The following UBR4 variants were observed in gnomAD, a reference collection of about 807,000 sequenced individuals.
The protein encoded by UBR4 is E3 ubiquitin-protein ligase UBR4.
Under a neutral mutation model 575.6 loss-of-function variants are expected in UBR4, and 124 were observed. That is an observed-to-expected ratio of 0.22 (90% confidence interval 0.19 to 0.25). The LOEUF is 0.25. Ranked by LOEUF, UBR4 falls within the 10% of genes least tolerant of loss-of-function variation. UBR4 has a pLI of 1.00. For synonymous variants in UBR4, 2,455 were observed against 2,473.7 expected, an observed-to-expected ratio of 0.99 and a Z score of 0.22; for missense variants, 4,818 against 6,478.8, an observed-to-expected ratio of 0.74 and a Z score of 8.80.
At position 19,153,801 on chromosome 1, in the gene UBR4, G is replaced by A. The variant is rs766709112; in HGVS notation, c.6597C>T (p.Ile2199=). 5 of 1,614,024 alleles carry A rather than the reference G, an allele frequency of 3.1e-6. No homozygotes were observed. Among genetic ancestry groups the A allele is most frequent in the East Asian group, 4.5e-5 (2 of 44,890 alleles). Residue 2199 remains isoleucine (I), a synonymous_variant, in exon 45 of 106, where the codon ATC becomes ATT. Coordinates refer to ENST00000375254, the MANE Select transcript of UBR4 (RefSeq NM_020765.3). This position sits in a 1 kb window ranked among gnomAD's most constrained non-coding sequence, Gnocchi z 4.1. ...TAGCAGGAAGAGTCTTAATCTCCTGGATAAGAAAAGTGTCTGGTTTCACCA... is the reference window on the plus strand; with the variant it reads ...TAGCAGGAAGAGTCTTAATCTCCTGAATAAGAAAAGTGTCTGGTTTCACCA... ...VVMVKPDTFL[I]QEIKTLPAKA...
At position 19,129,074 on chromosome 1, in the gene UBR4, C is replaced by G. The variant is rs1370230759; in HGVS notation, c.8907G>C (p.Arg2969Ser). ...ACAGCATTAGACGGACCATGTGCAG[C>G]CTAAAAGGGTGGGGAAAAGATAGAA... is the stretch of plus-strand genomic sequence containing the variant. ...ETEGDVHTSN[R>S]LHMVRLMLLE... Residue 2969 changes from arginine to serine, a missense_variant and splice_region_variant, in exon 61 of 106, where the codon AGG becomes AGC. Arg to Ser is a moderately radical substitution (Grantham distance 110, BLOSUM62 -1). Around this residue, in one of 29 missense-constraint regions of UBR4, gnomAD observed 87 missense variants for 82.8 expected, o/e 1.05. Transcript: ENST00000375254. 3 of 1,613,630 alleles carry G rather than the reference C, an allele frequency of 1.9e-6. No individual in the cohort carries two copies. Among genetic ancestry groups the G allele is most frequent in the Non-Finnish European group, 2.5e-6 (3 of 1,179,758 alleles).
chr1:19,189,410 T>C (rs1220796709), intron 11 of UBR4, among the ~76,000 whole-genome samples: 1 of 152,202 alleles, frequency 6.6e-6, no homozygotes, highest in Non-Finnish European at 1.5e-5. Flanking sequence ...TGGAACAATC[T>C]AAATAAGCGC....
chr1:19,143,247 GAAGGAAGGAAGGAAGA>G (rs1557761770), intron 55 of UBR4, among the ~76,000 whole-genome samples: 165 of 127,420 alleles, frequency 1.3e-3, no homozygotes, highest in East Asian at 9.1e-3. Flanking sequence ...AGGAAGGAAG[GAAGGAAGGAAGGAAGA>G]AAGAAAGAAA....
chr1:19,115,199 GCACACACACA>G (rs61661086), intron 74 of UBR4, among the ~76,000 whole-genome samples, 189 bp downstream of exon 74: 4 of 127,058 alleles, frequency 3.1e-5, no homozygotes, highest in Non-Finnish European at 5.3e-5. Flanking sequence ...GTGTGCACAT[GCACACACACA>G]CACACACACA....
At chr1:19,137,920 T>G in intron 60 of UBR4, 87 bp downstream of exon 60, 2 of 1,305,760 alleles carry the variant, frequency 1.5e-6, no homozygotes, top group Non-Finnish European at 2.0e-6. Context: ...TTATCACTAC[T>G]CTACCTCCTG....
chr1:19,106,933 G>A lies in UBR4; in HGVS notation c.12139C>T (p.Pro4047Ser). The A allele has an allele frequency of 6.2e-7, 1 of 1,612,682 alleles. No homozygotes were observed. Among genetic ancestry groups the A allele is most frequent in the Non-Finnish European group, 8.5e-7 (1 of 1,179,964 alleles). ...TGGGCATGGATCTCATTGCAGTATG[G>A]CTTCACCGTGGTGAGGGCCTCAACG... ...VPVEALTTVK[P>S]YCNEIHAQAQ... Residue 4047 changes from proline (P) to serine (S), a missense_variant, in exon 82 of 106, where the codon CCA becomes TCA. Around this residue, in one of 29 missense-constraint regions of UBR4, gnomAD observed 333 missense variants for 459.2 expected, o/e 0.73. Coordinates refer to ENST00000375254, the MANE Select transcript of UBR4 (RefSeq NM_020765.3).
chr1:19,092,798 C>A (rs777663535), intron 97 of UBR4, 21 bp downstream of exon 97: 1 of 1,599,908 alleles, frequency 6.3e-7, no homozygotes, highest in Admixed American at 1.7e-5. Flanking sequence ...TACCCTCACA[C>A]TACCTGTCCT....
intron 26 of UBR4, 100 bp from the exon 27 acceptor site, chr1:19,169,632 C>T (rs572299379): frequency 1.1e-6 from 1 of 876,918 alleles, no homozygotes; most frequent in East Asian, 2.7e-5. Flanking sequence ...ACAGTACAGC[C>T]CAGGCTGTCA....
At chr1:19,173,360 A>C in intron 23 of UBR4, 54 bp from the exon 24 acceptor site, 1 of 1,611,296 alleles carries the variant, frequency 6.2e-7, no homozygotes, top group South Asian at 1.1e-5. Flanking sequence ...CAAAGCTTTC[A>C]TTATCTTCAA....
At chr1:19,203,757 C>A (rs1264246302) in intron 1 of UBR4, among the ~76,000 whole-genome samples, 1 of 152,102 alleles carries the variant, frequency 6.6e-6, no homozygotes, top group Non-Finnish European at 1.5e-5. Flanking sequence ...AACTCCTTCA[C>A]CAAGAAAAAA....
chr1:19,207,391 G>A (rs1348666570), intron 1 of UBR4, among the ~76,000 whole-genome samples: 1 of 152,232 alleles, frequency 6.6e-6, no homozygotes, highest in Non-Finnish European at 1.5e-5. Flanking sequence ...CACTTTGGAA[G>A]GCCAAGGCGG....
At chr1:19,136,690 T>C (rs1042482836) in intron 60 of UBR4, among the ~76,000 whole-genome samples, 1 of 152,068 alleles carries the variant, frequency 6.6e-6, no homozygotes, top group Non-Finnish European at 1.5e-5. Flanking sequence ...CTATATCAAA[T>C]AGAAGACAAA....
At chr1:19,128,379 C>T (rs368061463) in intron 61 of UBR4, 61 bp from the exon 62 acceptor site, 50 of 1,412,516 alleles carry the variant, frequency 3.5e-5, no homozygotes, top group Non-Finnish European at 4.4e-5. Context: ...ACTTGAAATA[C>T]GGGGTGTTTC....
Position 19,123,042 on chromosome 1 carries a change from T to C in UBR4, c.9607A>G (p.Thr3203Ala). The C allele has an allele frequency of 6.2e-7, 1 of 1,613,968 alleles. No individual in the cohort carries two copies. ...CGGACTTGACGGCGCACAAATGGAG[T>C]CTGCTGGATCATGAGGTACTTGAGA... ...FLSEYLMIQQ[T>A]PFVRRQVRKL... Residue 3203 changes from threonine to alanine, a missense_variant, in exon 66 of 106, where the codon ACT becomes GCT. By Grantham distance (58) the Thr-to-Ala change is moderately conservative. Transcript: ENST00000375254.
chr1:19,113,763 T>C lies in UBR4; in HGVS notation c.11393A>G (p.Gln3798Arg), dbSNP rs773568807. The C allele has an allele frequency of 1.9e-6, 3 of 1,614,234 alleles. No homozygotes were observed. The highest frequency in any genetic ancestry group is 2.5e-6 in the Non-Finnish European group (3 of 1,180,034). ...TSASVNRYIL[Q>R]LAQEYCGDCK... ...GTCTCCACAATACTCCTGAGCCAAC[T>C]GCAGGATGTAACGATTCACACTGGC... Residue 3798 changes from glutamine to arginine, a missense_variant, in exon 77 of 106, where the codon CAG becomes CGG. Gln to Arg is a conservative substitution (Grantham distance 43). Transcript: ENST00000375254.
In UBR4 at chr1:19,074,825, G is replaced by A. The variant is rs760241790; in HGVS notation, c.*7C>T. On this transcript the variant is annotated 3_prime_UTR_variant, in exon 106 of 106. Coordinates refer to ENST00000375254, the MANE Select transcript of UBR4 (RefSeq NM_020765.3). ...TCGTCTTCGCCGCCGCAGCTGCTGTGTGGTGGTCAGGGGACTGAGTTCAAC... is the reference window on the plus strand; with the variant it reads ...TCGTCTTCGCCGCCGCAGCTGCTGTATGGTGGTCAGGGGACTGAGTTCAAC... 3 of 1,614,070 alleles carry A rather than the reference G, an allele frequency of 1.9e-6. No individual in the cohort carries two copies. Among genetic ancestry groups the A allele is most frequent in the Middle Eastern group, 1.6e-4 (1 of 6,062 alleles).
intron 1 of UBR4, among the ~76,000 whole-genome samples, chr1:19,207,537 G>A (rs778234648): frequency 2.6e-5 from 4 of 152,334 alleles, no homozygotes; most frequent in African/African-American, 9.6e-5. Context: ...GCTGAGGCAC[G>A]AGAATCACTT....
At chr1:19,190,891 T>C (rs2092020489) in intron 11 of UBR4, among the ~76,000 whole-genome samples, 1 of 152,168 alleles carries the variant, frequency 6.6e-6, no homozygotes, top group Non-Finnish European at 1.5e-5. Context: ...TCAGGTTGCA[T>C]CTCTCCCTTG....
intron 17 of UBR4, among the ~76,000 whole-genome samples, chr1:19,181,353 T>C (rs2090936383): frequency 6.6e-6 from 1 of 151,596 alleles, no homozygotes; most frequent in South Asian, 2.1e-4. Context: ...TACAGTAACA[T>C]CCCCACCTCT....
Sources: gnomAD v4.1 joint callset for allele counts (sites outside exome capture counted in the v4.1 genomes callset) on GRCh38, gnomAD v4.1.1 for gene constraint, gnomAD v4.1.1 regional missense constraint, Gnocchi (gnomAD v3.1) non-coding constraint, MANE v1.5 for transcripts, NCBI Gene and HGNC (gene_info 2026-07-23, HGNC 2026-07-21) for gene names.